Variants in YIF1B observed in about 807,000 individuals in gnomAD.
YIF1B encodes Yip1 interacting factor homolog B, membrane trafficking protein.
YIF1B carries 24 observed loss-of-function variants against 34.6 expected under a neutral mutation model. The ratio of observed to expected loss-of-function variants is 0.69; its 90% confidence interval spans 0.50 to 0.98. The LOEUF is 0.98. YIF1B is among the 50% of genes least tolerant of loss of function. YIF1B has a pLI of 0.00. For synonymous variants in YIF1B, 186 were observed against 184.8 expected, an observed-to-expected ratio of 1.01 and a Z score of -0.05; for missense variants, 368 against 429.4, an observed-to-expected ratio of 0.86 and a Z score of 1.26.
chr19:38,318,019 C>T (rs1036597519), upstream of YIF1B, among the ~76,000 whole-genome samples: 24 of 150,706 alleles, frequency 1.6e-4, no homozygotes, highest in Admixed American at 1.4e-3. Context: ...ATGGCGAAAC[C>T]CTGTCTCTAC....
At chr19:38,312,949 ACTTCTT>A (rs35568615) in intron 1 of YIF1B, among the ~76,000 whole-genome samples, 8 of 148,200 alleles carry the variant, frequency 5.4e-5, no homozygotes, top group East Asian at 2.0e-4. Flanking sequence ...TCTTTCCCCT[ACTTCTT>A]CTTCTTTTTT....
chr19:38,304,418 C>T lies in YIF1B; in HGVS notation c.*934G>A, dbSNP rs1300026178. ...AGAAGCCCGGTGTGGGGGCGGGCCA[C>T]GGGGGAGATCCCAAGCTCAGTCCCC... is the stretch of plus-strand genomic sequence containing the variant. On this transcript the variant is annotated 3_prime_UTR_variant, in exon 8 of 8. Transcript: ENST00000339413. The T allele has an allele frequency of 7.0e-6, 11 of 1,562,546 alleles. No individual in the cohort carries two copies. Among genetic ancestry groups the T allele is most frequent in the Non-Finnish European group, 9.5e-6 (11 of 1,154,054 alleles).
At chr19:38,318,193 C>CAAAAAAAAAAAA (rs35748833), upstream of YIF1B, among the ~76,000 whole-genome samples, 2 of 29,900 alleles carry the variant, frequency 6.7e-5, no homozygotes, top group Non-Finnish European at 1.2e-4. Context: ...ACTCTTGTCT[C>CAAAAAAAAAAAA]AAAAAAAAAA....
rs1600371671 is a variant in YIF1B at position 38,305,021 on chromosome 19, G to A, written c.*331C>T. 2 of 1,553,552 alleles carry A rather than the reference G, an allele frequency of 1.3e-6. No individual in the cohort carries two copies. Among genetic ancestry groups the A allele is most frequent in the East Asian group, 2.4e-5 (1 of 40,960 alleles). Reference sequence around the variant, plus strand: ...TCTCTGCCTTCTGCGACTGGTCAGCGTGGTGCCTACTCTGGCCCGTCCCCA... The same window carrying A: ...TCTCTGCCTTCTGCGACTGGTCAGCATGGTGCCTACTCTGGCCCGTCCCCA... On this transcript the variant is annotated 3_prime_UTR_variant, in exon 8 of 8. Transcript: ENST00000339413.
chr19:38,304,203 T>A lies in YIF1B; in HGVS notation c.*1149A>T, dbSNP rs1251315991. ...CAGGTCTCAGCGCTCCTCCCCCTGC[T>A]CCGCTCCTCTGCAGGGCCCAGGCGC... On this transcript the variant is annotated 3_prime_UTR_variant, in exon 8 of 8. Coordinates refer to ENST00000339413, the MANE Select transcript of YIF1B (RefSeq NM_001039672.3). 6.2e-7 allele frequency: 1 copy of A among 1,604,548 alleles called. No homozygotes were observed. Among genetic ancestry groups the A allele is most frequent in the African/African-American group, 1.3e-5 (1 of 74,742 alleles).
intron 1 of YIF1B, among the ~76,000 whole-genome samples, chr19:38,313,769 A>C (rs936838468): frequency 6.6e-6 from 1 of 152,140 alleles, no homozygotes; most frequent in Non-Finnish European, 1.5e-5. Flanking sequence ...CCTTGCCCCC[A>C]CTGGCTTTTG....
In YIF1B at chr19:38,305,823, G is replaced by A. The variant is rs1968996832; in HGVS notation, c.790-316C>T. Among the ~76,000 whole-genome samples, 2 of 152,222 alleles carry A rather than the reference G, an allele frequency of 1.3e-5. 1 individual carries two copies. Among genetic ancestry groups the A allele is most frequent in the South Asian group, 4.1e-4 (2 of 4,836 alleles). On this transcript the variant is annotated intron_variant, in intron 7 of 7. Coordinates refer to ENST00000339413, the MANE Select transcript of YIF1B (RefSeq NM_001039672.3). ...CACCCGGCCTGAGGGGGTGGGAGACGTGGCCCAGGATGCTGCCCCCCCTTA... is the reference window on the plus strand; with the variant it reads ...CACCCGGCCTGAGGGGGTGGGAGACATGGCCCAGGATGCTGCCCCCCCTTA...
At position 38,315,331 on chromosome 19, in the gene YIF1B, C is replaced by T. The variant is rs1294759403; in HGVS notation, c.58+529G>A. 1.6e-5 allele frequency: 17 copies of T among 1,052,008 alleles called. No homozygotes were observed. In the East Asian group the frequency reaches 1.3e-3, roughly 80 times the overall value. 65.2% of individuals were successfully genotyped at this position (1,052,008 alleles called of 1,614,324 possible). A position where few individuals can be genotyped will look rare whatever the true frequency, so the allele number is the denominator to read the frequency against. Reference sequence around the variant, plus strand: ...GGCTGGGTCATGTGCCTCCTCAGGGCTCCCACAACATCTCCATCCCAACAC... The same window carrying T: ...GGCTGGGTCATGTGCCTCCTCAGGGTTCCCACAACATCTCCATCCCAACAC... On this transcript the variant is annotated intron_variant, in intron 1 of 7. Coordinates refer to ENST00000339413, the MANE Select transcript of YIF1B (RefSeq NM_001039672.3).
At chr19:38,306,831 A>G (rs1203060648) in intron 7 of YIF1B, 6 of 377,052 alleles carry the variant, frequency 1.6e-5, no homozygotes, top group Non-Finnish European at 2.7e-5. Context: ...ACAGGCACAC[A>G]CCACCACACC....
In YIF1B at chr19:38,307,621, G is replaced by C. The variant is rs1222865348; in HGVS notation, c.671C>G (p.Ala224Gly). The C allele has an allele frequency of 6.2e-7, 1 of 1,613,858 alleles. No homozygotes were observed. The highest frequency in any genetic ancestry group is 2.2e-5 in the East Asian group (1 of 44,870). ...NTDLTTIDLV[A>G]FLGYKYVGMI... ...CCCGACATATTTGTAGCCCAAGAAG[G>C]CCACCAGGTCGATGGTGGTGAGGTC... The change falls in exon 6 of 8, where the codon GCC becomes GGC. Residue 224 changes from alanine (A) to glycine (G), a missense_variant. By Grantham distance (60) the Ala-to-Gly change is moderately conservative. This residue lies in a region of YIF1B where 208 missense variants were observed against 247.8 expected (regional missense o/e 0.84). Coordinates refer to ENST00000339413, the MANE Select transcript of YIF1B (RefSeq NM_001039672.3).
chr19:38,307,564 G>A, intron 6 of YIF1B, 33 bp downstream of exon 6: 1 of 1,613,718 alleles, frequency 6.2e-7, no homozygotes, highest in South Asian at 1.1e-5. Context: ...AGGCCCAAGG[G>A]CTGGGGCTGG....
At chr19:38,317,654 A>G (rs1046154012), upstream of YIF1B, among the ~76,000 whole-genome samples, 1 of 151,426 alleles carries the variant, frequency 6.6e-6, no homozygotes, top group Non-Finnish European at 1.5e-5. Context: ...ATCTCGGCTC[A>G]CTGCAACCTT....
upstream of YIF1B, chr19:38,320,076 G>A (rs1227818635): frequency 8.5e-5 from 130 of 1,529,326 alleles, no homozygotes; most frequent in Non-Finnish European, 1.1e-4. Context: ...AGCTGGAGAC[G>A]CTGCGGGCGC....
chr19:38,310,189 C>CATCCATCCATCCATCCATCCACCT (rs1260361862), intron 1 of YIF1B, among the ~76,000 whole-genome samples: 5 of 148,946 alleles, frequency 3.4e-5, no homozygotes, highest in African/African-American at 9.9e-5. Context: ...TCCATCCACC[C>CATCCATCCATCCATCCATCCACCT]ATCCATCCAT....
In YIF1B at chr19:38,307,819, G is replaced by A. The variant is rs545646708; in HGVS notation, c.540-67C>T. 43 of 1,582,814 alleles carry A rather than the reference G, an allele frequency of 2.7e-5. No homozygotes were observed. The African/African-American group carries it at 5.1e-4, about 19-fold the overall frequency. Reference sequence around the variant, plus strand: ...CCCCCCACCCCCAGCACCCATCTGGGGACAGCTCTGTGTTGGGTAGGGCTG... The same window carrying A: ...CCCCCCACCCCCAGCACCCATCTGGAGACAGCTCTGTGTTGGGTAGGGCTG... On this transcript the variant is annotated intron_variant, in intron 5 of 7. Transcript: ENST00000339413.
chr19:38,315,577 G>A (rs1969512784), intron 1 of YIF1B: 8 of 1,480,906 alleles, frequency 5.4e-6, no homozygotes, highest in Middle Eastern at 2.4e-4. Context: ...GCCACGGAAG[G>A]GTGGGGAGCA....
rs769795858 is a variant in YIF1B, at chr19:38,308,991, G to T, written c.469C>A (p.Leu157Ile). ...APRFDVNAPDLYIPAMAFITY... is the reference protein window; with the variant it reads ...APRFDVNAPDIYIPAMAFITY... The stretch of plus-strand genomic sequence containing the variant: ...GGGAGGGTGAAACCTGGAATGTAGA[G>T]GTCCGGGGCATTGACGTCAAAGCGG... Residue 157 changes from leucine (L) to isoleucine (I), a missense_variant, in exon 4 of 8, where the codon CTC (leucine) becomes ATC (isoleucine). Physicochemically the swap from Leu to Ile is conservative, Grantham distance 5. This residue lies in a region of YIF1B where 208 missense variants were observed against 247.8 expected (regional missense o/e 0.84). Coordinates refer to ENST00000339413, the MANE Select transcript of YIF1B (RefSeq NM_001039672.3). 1 of 1,594,038 alleles carries T rather than the reference G, an allele frequency of 6.3e-7. No individual in the cohort carries two copies. The highest frequency in any genetic ancestry group is 1.1e-5 in the South Asian group (1 of 89,210).
chr19:38,305,026 G>A lies in YIF1B; in HGVS notation c.*326C>T, dbSNP rs2146291826. 1 of 1,548,024 alleles carries A rather than the reference G, an allele frequency of 6.5e-7. No homozygotes were observed. The highest frequency in any genetic ancestry group is 8.7e-7 in the Non-Finnish European group (1 of 1,145,054). Reference sequence around the variant, plus strand: ...GCCTTCTGCGACTGGTCAGCGTGGTGCCTACTCTGGCCCGTCCCCAGCTCC... The same window carrying A: ...GCCTTCTGCGACTGGTCAGCGTGGTACCTACTCTGGCCCGTCCCCAGCTCC... On this transcript the variant is annotated 3_prime_UTR_variant, in exon 8 of 8. Transcript: ENST00000339413.
chr19:38,305,457 G>A lies in YIF1B; in HGVS notation c.840C>T (p.Val280=), dbSNP rs1568351909. 2 of 1,609,544 alleles carry A rather than the reference G, an allele frequency of 1.2e-6. No homozygotes were observed. The stretch of plus-strand genomic sequence containing the variant: ...GCTGGTTCCGGGCCCCACGCACCGG[G>A]ACCCCCTCAGCTGCTGCGTCTGCCA... ...KILADAAAEG[V]PVRGARNQLR... The change falls in exon 8 of 8, where the codon GTC becomes GTT. Residue 280 remains valine (V), a synonymous_variant. Transcript: ENST00000339413.
Sources: gnomAD v4.1 joint callset for allele counts (sites outside exome capture counted in the v4.1 genomes callset) on GRCh38, gnomAD v4.1.1 for gene constraint, gnomAD v4.1.1 regional missense constraint, MANE v1.5 for transcripts, NCBI Gene and HGNC (gene_info 2026-07-23, HGNC 2026-07-21) for gene names.